PTGER3: variants seen among roughly 807,000 people sequenced by gnomAD.
PTGER3 encodes the protein prostaglandin E receptor 3, also known as prostaglandin E2 receptor EP3 subtype.
Under a neutral mutation model 34.7 loss-of-function variants are expected in PTGER3, and 22 were observed. That is an observed-to-expected ratio of 0.63 (90% confidence interval 0.45 to 0.91). PTGER3 has a LOEUF of 0.91. Ranked by LOEUF, PTGER3 falls within the 40% of genes least tolerant of loss-of-function variation. PTGER3 has a pLI of 0.00. For missense variants in PTGER3, 468 were observed against 519.4 expected (o/e 0.90, Z 0.96); for synonymous variants, 241 against 230.1 (o/e 1.05, Z -0.43).
rs551694933 is a variant in PTGER3 at position 70,910,230 on chromosome 1, A to C, written c.*23+43533T>G. ...AAAACCCCACACTCAAAATGATCTC[A>C]TTGGCTTTCTCTGAAGCAAAACCCC... On this transcript the variant is annotated intron_variant, in intron 4 of 4. Transcript: ENST00000370931. Among the ~76,000 whole-genome samples, 275 of 152,248 alleles carry C rather than the reference A, an allele frequency of 1.8e-3. 4 individuals carry two copies. In the South Asian group the frequency reaches 0.03, roughly 16 times the overall value.
intron 2 of PTGER3, among the ~76,000 whole-genome samples, chr1:70,980,756 C>A (rs570670671): frequency 4.6e-5 from 7 of 152,116 alleles, no homozygotes; most frequent in Non-Finnish European, 1.0e-4. Flanking sequence ...ACAAACAGGC[C>A]ATTTATTATG....
intron 4 of PTGER3, among the ~76,000 whole-genome samples, chr1:70,912,697 T>G (rs1180263368): frequency 6.6e-6 from 1 of 152,070 alleles, no homozygotes; most frequent in Non-Finnish European, 1.5e-5. Flanking sequence ...TTGTCATGTT[T>G]TTGTTTTTAT....
At chr1:70,945,459 A>G (rs1301693163) in intron 4 of PTGER3, among the ~76,000 whole-genome samples, 1 of 152,160 alleles carries the variant, frequency 6.6e-6, no homozygotes, top group Non-Finnish European at 1.5e-5. Context: ...TAACTCTGCT[A>G]GACTGAACTG....
intron 1 of PTGER3, among the ~76,000 whole-genome samples, chr1:71,021,541 A>G (rs1023364756): frequency 6.7e-6 from 1 of 149,670 alleles, no homozygotes; most frequent in African/African-American, 2.6e-5. Flanking sequence ...TCAAACACCT[A>G]TATTTCAGAT....
chr1:70,853,392 A>G (rs1265733536), intron 4 of PTGER3, among the ~76,000 whole-genome samples: 2 of 152,228 alleles, frequency 1.3e-5, no homozygotes, highest in African/African-American at 2.4e-5. Context: ...AATTTCTATA[A>G]GTGAATGGCT....
chr1:71,007,297 T>C, intron 2 of PTGER3: 1 of 985,768 alleles, frequency 1.0e-6, no homozygotes, highest in Non-Finnish European at 1.2e-6. Context: ...ATTGGTTTGC[T>C]TAAACAGGCT....
intron 2 of PTGER3, among the ~76,000 whole-genome samples, chr1:70,979,083 T>C (rs986199024): frequency 1.3e-5 from 2 of 152,060 alleles, no homozygotes; most frequent in African/African-American, 4.8e-5. Flanking sequence ...CTGAGCAGGG[T>C]TAAAAGACTA....
At chr1:70,872,287 G>T (rs1046504430) in intron 4 of PTGER3, among the ~76,000 whole-genome samples, 1 of 152,140 alleles carries the variant, frequency 6.6e-6, no homozygotes, top group Non-Finnish European at 1.5e-5. Flanking sequence ...CATTTCTCTT[G>T]AAGAACTATT....
At chr1:71,014,009 A>T (rs1246040402) in intron 1 of PTGER3, among the ~76,000 whole-genome samples, 1 of 152,198 alleles carries the variant, frequency 6.6e-6, no homozygotes, top group East Asian at 1.9e-4. Context: ...TGATTCCATA[A>T]TGGAATAATA....
intron 4 of PTGER3, among the ~76,000 whole-genome samples, chr1:70,880,698 G>GA (rs200294042): frequency 0.058 from 7,408 of 127,610 alleles, 309 homozygotes; most frequent in East Asian, 0.14. Context: ...AAAAAAAAAA[G>GA]AAAAAAAAAA....
intron 4 of PTGER3, among the ~76,000 whole-genome samples, chr1:70,874,424 C>T (rs1646229967): frequency 6.6e-6 from 1 of 152,186 alleles, no homozygotes; most frequent in Non-Finnish European, 1.5e-5. Context: ...CTTTTCCCTC[C>T]CCAGCTCCTC....
chr1:71,024,548 T>G (rs1047789842), intron 1 of PTGER3, among the ~76,000 whole-genome samples: 1 of 152,054 alleles, frequency 6.6e-6, no homozygotes, highest in African/African-American at 2.4e-5. Context: ...AATAAGTGAA[T>G]GAGAGCAAGG....
chr1:70,868,221 C>T (rs760041041), intron 4 of PTGER3, among the ~76,000 whole-genome samples: 5 of 152,034 alleles, frequency 3.3e-5, no homozygotes, highest in African/African-American at 1.2e-4. Flanking sequence ...TACAATTCCA[C>T]TCAAACCTCA....
chr1:71,001,675 G>A (rs1656500961), intron 2 of PTGER3, among the ~76,000 whole-genome samples: 1 of 152,140 alleles, frequency 6.6e-6, no homozygotes, highest in African/African-American at 2.4e-5. Context: ...GAGAATCATG[G>A]CTTTTCAGTG....
intron 2 of PTGER3, among the ~76,000 whole-genome samples, chr1:70,984,188 A>G (rs923658614): frequency 6.6e-6 from 1 of 152,040 alleles, no homozygotes; most frequent in African/African-American, 2.4e-5. Context: ...GGGGTTTGAG[A>G]CCAGCCTGAC....
intron 4 of PTGER3, among the ~76,000 whole-genome samples, chr1:70,917,229 ATTTCAGATTCTGC>A (rs1013312588): frequency 8.0e-5 from 12 of 149,870 alleles, no homozygotes; most frequent in Non-Finnish European, 1.5e-5. Flanking sequence ...GGTTACTAGT[ATTTCAGATTCTGC>A]TTTCAGAGTC....
At chr1:71,043,928 T>C (rs532767428) in intron 1 of PTGER3, among the ~76,000 whole-genome samples, 35 of 151,282 alleles carry the variant, frequency 2.3e-4, no homozygotes, top group African/African-American at 8.2e-4. Context: ...GTAATTCTCC[T>C]GCATCAGCCT....
At chr1:70,986,588 T>C (rs1165042596) in intron 2 of PTGER3, among the ~76,000 whole-genome samples, 2 of 152,128 alleles carry the variant, frequency 1.3e-5, no homozygotes, top group Admixed American at 1.3e-4. Flanking sequence ...AGCACTGAAA[T>C]CAATGGTGGA....
At chr1:70,983,225 C>G (rs966855632) in intron 2 of PTGER3, among the ~76,000 whole-genome samples, 1 of 150,546 alleles carries the variant, frequency 6.6e-6, no homozygotes, top group Admixed American at 6.6e-5. Flanking sequence ...TCAGAGTGCT[C>G]GAGAGGGACT....
Sources: gnomAD v4.1 joint callset for allele counts (sites outside exome capture counted in the v4.1 genomes callset) on GRCh38, gnomAD v4.1.1 for gene constraint, MANE v1.5 for transcripts, NCBI Gene and HGNC (gene_info 2026-07-23, HGNC 2026-07-21) for gene names.